LTBP3: variants seen among roughly 807,000 people sequenced by gnomAD.
The protein encoded by LTBP3 is latent-transforming growth factor beta-binding protein 3.
A neutral mutation model predicts 159.7 loss-of-function variants in LTBP3; 97 were observed. That is an observed-to-expected ratio of 0.61 (90% confidence interval 0.52 to 0.72). LTBP3 has a LOEUF of 0.72. Ranked by LOEUF, LTBP3 falls within the 30% of genes least tolerant of loss-of-function variation. LTBP3 has a pLI of 0.00. For missense variants in LTBP3, 1,584 were observed against 1,864.3 expected (o/e 0.85, Z 2.77); for synonymous variants, 824 against 777.1 (o/e 1.06, Z -1.00).
Position 65,546,467 on chromosome 11 carries a change from G to T in LTBP3, c.2328C>A (p.Pro776=). Residue 776 remains proline (P), a synonymous_variant, in exon 16 of 28, where the codon CCC becomes CCA. Transcript: ENST00000301873. This position sits in a 1 kb window ranked among gnomAD's most constrained non-coding sequence, Gnocchi z 4.0. ...CCAAGCAACTGCGGCCGTCGGGCGC[G>T]GGCGCGTAGCCCTGGGCACAGGTGC... ...FRCTCAQGYA[P]APDGRSCLDV... 1.3e-6 allele frequency: 2 copies of T among 1,580,934 alleles called. No individual in the cohort carries two copies. Among genetic ancestry groups the T allele is most frequent in the Admixed American group, 1.8e-5 (1 of 57,024 alleles).
chr11:65,558,291 C>G lies in LTBP3; in HGVS notation c.-332G>C, dbSNP rs1856884894. ...GGCGGCCGGCCCGCTCCGCGCCTCC[C>G]CCTGGCCGGGCTCCTCTCCCGCGGC... On this transcript the variant is annotated 5_prime_UTR_variant, in exon 1 of 28. Coordinates refer to ENST00000301873, the MANE Select transcript of LTBP3 (RefSeq NM_001130144.3). The G allele has an allele frequency of 1.2e-5, 10 of 861,716 alleles. No individual in the cohort carries two copies. The highest frequency in any genetic ancestry group is 1.4e-5 in the Non-Finnish European group (10 of 701,118). The allele number at this position is 861,716 out of a possible 1,614,324, so 53.4% of individuals were successfully genotyped here. A position where few individuals can be genotyped will look rare whatever the true frequency, so the allele number is the denominator to read the frequency against.
At chr11:65,551,629 A>G in intron 8 of LTBP3, 65 bp from the exon 9 acceptor site, 1 of 1,600,094 alleles carries the variant, frequency 6.2e-7, no homozygotes, top group Non-Finnish European at 8.6e-7. Flanking sequence ...ATCTGGGATC[A>G]GCAGCTGAGT....
At position 65,547,076 on chromosome 11, in the gene LTBP3, G is replaced by A. The variant is rs1334367358; in HGVS notation, c.2108-156C>T. ...AGAGCCGAGCATACAGGCCGGGTGC[G>A]GTGGCACACGGCTGTAATCCCAGCA... On this transcript the variant is annotated intron_variant, in intron 14 of 27. Transcript: ENST00000301873. The surrounding 1 kb of genome is among the most constrained non-coding windows in gnomAD (Gnocchi z 4.6). 1.3e-5 allele frequency among the ~76,000 whole-genome samples: 2 copies of A among 152,190 alleles called. No individual in the cohort carries two copies. The highest frequency in any genetic ancestry group is 2.4e-5 in the African/African-American group (1 of 41,444).
intron 16 of LTBP3, 113 bp from the exon 17 acceptor site, chr11:65,543,662 C>A: frequency 7.3e-7 from 1 of 1,367,956 alleles, no homozygotes. Context: ...CAGCAGCACT[C>A]AGAAGCACAG....
In LTBP3 at chr11:65,557,603, C is replaced by T. The variant is rs769385135; in HGVS notation, c.331+26G>A. The T allele has an allele frequency of 1.9e-6, 3 of 1,605,430 alleles. No homozygotes were observed. In the African/African-American group the frequency reaches 4.0e-5, roughly 21 times the overall value. On this transcript the variant is annotated intron_variant, in intron 1 of 27. Coordinates refer to ENST00000301873, the MANE Select transcript of LTBP3 (RefSeq NM_001130144.3). The stretch of plus-strand genomic sequence containing the variant: ...GGGCCTGGTGCCTGTCCTTCCCCTG[C>T]CCCCAGCCGTGCCCCCGGCCCTCAC...
intron 11 of LTBP3, 124 bp from the exon 12 acceptor site, chr11:65,548,169 TC>T: frequency 7.3e-7 from 1 of 1,372,612 alleles, no homozygotes; most frequent in Non-Finnish European, 1.0e-6. Flanking sequence ...ATACTCCAAC[TC>T]CAGGATGTCC....
At position 65,557,866 on chromosome 11, in the gene LTBP3, G is replaced by A; in HGVS notation, c.94C>T (p.Leu32=). Residue 32 remains leucine, a synonymous_variant, in exon 1 of 28, where the codon CTG becomes TTG. Coordinates refer to ENST00000301873, the MANE Select transcript of LTBP3 (RefSeq NM_001130144.3). The part of the protein sequence containing the change: ...GLLALLLLLL[L]LLLGLGGRVE... The stretch of plus-strand genomic sequence containing the variant: ...CTGCCGCCCAGGCCCAGCAGCAGCA[G>A]CAGCAGCAGCAGCAGCAGCGCCAGC... 1 of 1,317,722 alleles carries A rather than the reference G, an allele frequency of 7.6e-7. No homozygotes were observed. 81.6% of individuals were successfully genotyped at this position (1,317,722 alleles called of 1,614,324 possible).
chr11:65,547,406 G>A lies in LTBP3; in HGVS notation c.2107+33C>T, dbSNP rs1590773101. ...CCCCAGGTGGAGAGACAGCTAAGGA[G>A]CTCCTTCTTTGGTCTGAATGGGGTC... On this transcript the variant is annotated intron_variant, in intron 14 of 27. Coordinates refer to ENST00000301873, the MANE Select transcript of LTBP3 (RefSeq NM_001130144.3). The surrounding 1 kb of genome is among the most constrained non-coding windows in gnomAD (Gnocchi z 4.6). 4 of 1,609,750 alleles carry A rather than the reference G, an allele frequency of 2.5e-6. No individual in the cohort carries two copies. The highest frequency in any genetic ancestry group is 3.4e-6 in the Non-Finnish European group (4 of 1,179,686).
At chr11:65,556,429 G>A (rs1210466621) in intron 1 of LTBP3, among the ~76,000 whole-genome samples, 1 of 152,236 alleles carries the variant, frequency 6.6e-6, no homozygotes, top group Non-Finnish European at 1.5e-5. Flanking sequence ...TTGGGAGGCT[G>A]AGGCAGGAGA....
Position 65,540,230 on chromosome 11 carries a change from C to T in LTBP3, c.3244+15G>A, listed in dbSNP as rs1485051695. ...CGCCCCTCCCGCGTACCCCACTCCC[C>T]GGCCCGGGCCTCACCCATCTCTTCC... is the stretch of plus-strand genomic sequence containing the variant. On this transcript the variant is annotated intron_variant, in intron 23 of 27. Coordinates refer to ENST00000301873, the MANE Select transcript of LTBP3 (RefSeq NM_001130144.3). The T allele has an allele frequency of 6.5e-7, 1 of 1,548,484 alleles. No individual in the cohort carries two copies. Among genetic ancestry groups the T allele is most frequent in the African/African-American group, 1.4e-5 (1 of 73,032 alleles).
chr11:65,542,923 TGGATA>T (rs751483379), intron 18 of LTBP3, 177 bp downstream of exon 18: 20 of 837,890 alleles, frequency 2.4e-5, no homozygotes, highest in Non-Finnish European at 3.5e-5. Context: ...GAAGGATGGA[TGGATA>T]GAAGGATGGA....
chr11:65,554,969 C>T lies in LTBP3; in HGVS notation c.332-589G>A, dbSNP rs1313918005. Among the ~76,000 whole-genome samples the T allele has an allele frequency of 6.6e-6, 1 of 152,112 alleles. No homozygotes were observed. Among genetic ancestry groups the T allele is most frequent in the Non-Finnish European group, 1.5e-5 (1 of 67,998 alleles). Reference sequence around the variant, plus strand: ...GACACAGCCCCCAGCCTTTCCAGGGCTCTCTCAGGCACCTCTGCCCAGGAC... The same window carrying T: ...GACACAGCCCCCAGCCTTTCCAGGGTTCTCTCAGGCACCTCTGCCCAGGAC... On this transcript the variant is annotated intron_variant, in intron 1 of 27. Coordinates refer to ENST00000301873, the MANE Select transcript of LTBP3 (RefSeq NM_001130144.3). The surrounding 1 kb of genome is among the most constrained non-coding windows in gnomAD (Gnocchi z 5.3).
chr11:65,542,836 A>G (rs902771980), intron 18 of LTBP3: 10 of 474,808 alleles, frequency 2.1e-5, no homozygotes, highest in Admixed American at 1.2e-4. Flanking sequence ...TGTCATGTTT[A>G]CTGTGATCAT....
chr11:65,540,559 C>G lies in LTBP3; in HGVS notation c.3033G>C (p.Val1011=), dbSNP rs758409486. Reference sequence around the variant, plus strand: ...AGCACTCGTAGCCAGGCTGCGTGTTCACGCACTTGCCCTCCTTGCAAATCT... The same window carrying G: ...AGCACTCGTAGCCAGGCTGCGTGTTGACGCACTTGCCCTCCTTGCAAATCT... The part of the protein sequence containing the change: ...GSEICKEGKC[V]NTQPGYECYC... The change falls in exon 22 of 28, where the codon GTG becomes GTC. Residue 1011 remains valine, a synonymous_variant. Coordinates refer to ENST00000301873, the MANE Select transcript of LTBP3 (RefSeq NM_001130144.3). 20 of 1,613,788 alleles carry G rather than the reference C, an allele frequency of 1.2e-5. No homozygotes were observed. The highest frequency in any genetic ancestry group is 1.7e-5 in the Non-Finnish European group (20 of 1,179,924).
At position 65,554,210 on chromosome 11, in the gene LTBP3, C is replaced by A. The variant is rs1856724698; in HGVS notation, c.502G>T (p.Ala168Ser). The change falls in exon 2 of 28, where the codon GCG becomes TCG. Residue 168 changes from alanine to serine, a missense_variant. Around this residue, in one of 6 missense-constraint regions of LTBP3, gnomAD observed 194 missense variants for 198.7 expected, o/e 0.98. Coordinates refer to ENST00000301873, the MANE Select transcript of LTBP3 (RefSeq NM_001130144.3). This position sits in a 1 kb window ranked among gnomAD's most constrained non-coding sequence, Gnocchi z 5.3. ...LSRTGALSTG[A>S]LPPLAPEGDS... ...CCCTCCGGAGCCAGGGGCGGCAGCG[C>A]CCCTGTGGACAGGGCCCCTGTCCTG... is the stretch of plus-strand genomic sequence containing the variant. 6.2e-7 allele frequency: 1 copy of A among 1,610,666 alleles called. No homozygotes were observed. Among genetic ancestry groups the A allele is most frequent in the Middle Eastern group, 1.7e-4 (1 of 6,048 alleles).
In LTBP3 at chr11:65,542,931, A is replaced by AGGATGGATGGAT. The variant is rs140563368; in HGVS notation, c.2596+162_2596+173dup. The stretch of plus-strand genomic sequence containing the variant: ...ATGAATGGAAGGATGGATGGATAGA[A>AGGATGGATGGAT]GGATGGATGGATGGATGGATGGATG... On this transcript the variant is annotated intron_variant, in intron 18 of 27. Coordinates refer to ENST00000301873, the MANE Select transcript of LTBP3 (RefSeq NM_001130144.3). 3.2e-3 allele frequency: 2,576 copies of AGGATGGATGGAT among 817,712 alleles called. 58 individuals carry two copies. In the African/African-American group the frequency reaches 0.037, roughly 12 times the overall value. 50.7% of individuals were successfully genotyped at this position (817,712 alleles called of 1,614,324 possible). A position where few individuals can be genotyped will look rare whatever the true frequency, so the allele number is the denominator to read the frequency against.
chr11:65,543,408 C>A lies in LTBP3; in HGVS notation c.2476+19G>T. On this transcript the variant is annotated intron_variant, in intron 17 of 27. Coordinates refer to ENST00000301873, the MANE Select transcript of LTBP3 (RefSeq NM_001130144.3). ...GGTAGGGAGGGACAGGTCAGCACCC[C>A]AGCTCTAAGATCCCTCACCCTCGCA... 3.1e-6 allele frequency: 5 copies of A among 1,613,770 alleles called. No homozygotes were observed. Among genetic ancestry groups the A allele is most frequent in the Non-Finnish European group, 4.2e-6 (5 of 1,179,934 alleles).
intron 18 of LTBP3, chr11:65,542,399 T>TC (rs1856180280): frequency 6.7e-6 from 1 of 148,506 alleles, no homozygotes; most frequent in Non-Finnish European, 1.5e-5. Context: ...TTTTTTTTTT[T>TC]TTTTTTTGAG....
In LTBP3 at chr11:65,553,022, A is replaced by T; in HGVS notation, c.1064-40T>A. On this transcript the variant is annotated intron_variant, in intron 5 of 27. Coordinates refer to ENST00000301873, the MANE Select transcript of LTBP3 (RefSeq NM_001130144.3). This position sits in a 1 kb window ranked among gnomAD's most constrained non-coding sequence, Gnocchi z 6.5. The stretch of plus-strand genomic sequence containing the variant: ...AGTTTGGCCCCTCTGGTCTGGGGCC[A>T]TGGGGTGACAGCAGGCTGCTCCAAG... 2 of 1,614,044 alleles carry T rather than the reference A, an allele frequency of 1.2e-6. No individual in the cohort carries two copies. Among genetic ancestry groups the T allele is most frequent in the African/African-American group, 2.7e-5 (2 of 75,024 alleles).
Sources: gnomAD v4.1 joint callset for allele counts (sites outside exome capture counted in the v4.1 genomes callset) on GRCh38, gnomAD v4.1.1 for gene constraint, gnomAD v4.1.1 regional missense constraint, Gnocchi (gnomAD v3.1) non-coding constraint, MANE v1.5 for transcripts, NCBI Gene and HGNC (gene_info 2026-07-23, HGNC 2026-07-21) for gene names.